C2orf42: variants seen among roughly 807,000 people sequenced by gnomAD.
The protein encoded by C2orf42 is uncharacterized protein C2orf42.
In C2orf42, 44 loss-of-function variants were observed where a neutral mutation model predicts 58.9. The observed-to-expected ratio is 0.75, with a 90% CI of 0.59 to 0.96. C2orf42 has a LOEUF of 0.96. C2orf42 is among the 40% of genes least tolerant of loss of function. The pLI, the probability that C2orf42 is intolerant of heterozygous loss-of-function variation, is 0.00. For missense variants in C2orf42, 630 were observed against 699.2 expected (o/e 0.90, Z 1.12); for synonymous variants, 239 against 265.4 (o/e 0.90, Z 0.97).
intron 5 of C2orf42, among the ~76,000 whole-genome samples, chr2:70,174,671 C>G (rs1056017054): frequency 4.6e-5 from 7 of 151,776 alleles, no homozygotes; most frequent in African/African-American, 1.7e-4. Context: ...TCCCAACCCC[C>G]TCTTTCTTTT....
At chr2:70,183,388 C>T (rs1437194057) in intron 1 of C2orf42, among the ~76,000 whole-genome samples, 2 of 151,720 alleles carry the variant, frequency 1.3e-5, no homozygotes, top group African/African-American at 4.8e-5. Context: ...CAAATTGTGC[C>T]ATTATACCCC....
intron 8 of C2orf42, among the ~76,000 whole-genome samples, chr2:70,163,601 G>A (rs1011931594): frequency 1.2e-4 from 19 of 152,098 alleles, no homozygotes; most frequent in African/African-American, 4.3e-4. Flanking sequence ...TGTAATCCAT[G>A]CACTTTGGGA....
At chr2:70,175,437 C>A (rs1313496917) in intron 5 of C2orf42, among the ~76,000 whole-genome samples, 1 of 152,172 alleles carries the variant, frequency 6.6e-6, no homozygotes, top group East Asian at 1.9e-4. Context: ...TAAGTAAGAA[C>A]ATACTGTATT....
At chr2:70,184,660 T>C (rs539064246) in intron 1 of C2orf42, among the ~76,000 whole-genome samples, 69 of 151,764 alleles carry the variant, frequency 4.5e-4, no homozygotes, top group African/African-American at 1.6e-3. Flanking sequence ...ATAAATTTTT[T>C]ATAGAGATGG....
At chr2:70,155,716 C>T (rs888777379) in intron 9 of C2orf42, among the ~76,000 whole-genome samples, 2 of 151,256 alleles carry the variant, frequency 1.3e-5, no homozygotes, top group Admixed American at 6.6e-5. Flanking sequence ...AGGAGAATGG[C>T]GTGAACCTGG....
intron 6 of C2orf42, among the ~76,000 whole-genome samples, chr2:70,166,731 C>T (rs1195775342): frequency 6.6e-6 from 1 of 151,960 alleles, no homozygotes; most frequent in Admixed American, 6.6e-5. Flanking sequence ...CCTTGTCATC[C>T]ACCAAGTATA....
intron 3 of C2orf42, among the ~76,000 whole-genome samples, chr2:70,180,476 C>G (rs1674480396): frequency 6.6e-6 from 1 of 151,514 alleles, no homozygotes; most frequent in Non-Finnish European, 1.5e-5. Flanking sequence ...GGCATGGTGG[C>G]AGGCGCCTGT....
chr2:70,188,581 C>G (rs573108944), intron 1 of C2orf42, among the ~76,000 whole-genome samples: 3 of 152,302 alleles, frequency 2.0e-5, no homozygotes, highest in South Asian at 4.1e-4. Context: ...AAACACCACT[C>G]ACCCAGTTTC....
At chr2:70,174,201 G>C (rs1010061232) in intron 5 of C2orf42, among the ~76,000 whole-genome samples, 7 of 152,030 alleles carry the variant, frequency 4.6e-5, no homozygotes, top group African/African-American at 1.7e-4. Context: ...CCAGCTACTT[G>C]GGAGGCTAAA....
intron 5 of C2orf42, among the ~76,000 whole-genome samples, chr2:70,170,991 T>C (rs1487447198): frequency 6.7e-6 from 1 of 150,134 alleles, no homozygotes; most frequent in East Asian, 2.0e-4. Context: ...GGCAGGCACC[T>C]GTAGTCCCAG....
At chr2:70,177,181 A>G (rs1284461145) in intron 4 of C2orf42, among the ~76,000 whole-genome samples, 2 of 152,026 alleles carry the variant, frequency 1.3e-5, no homozygotes, top group Non-Finnish European at 2.9e-5. Flanking sequence ...CCGAGGCAGG[A>G]GAATCACTTG....
chr2:70,179,401 CTCTT>C (rs1674401609), intron 4 of C2orf42, 127 bp downstream of exon 4: 1 of 335,876 alleles, frequency 3.0e-6, no homozygotes, highest in Non-Finnish European at 5.4e-6. Flanking sequence ...AGACCCCTGT[CTCTT>C]TATTTTAATA....
intron 8 of C2orf42, among the ~76,000 whole-genome samples, chr2:70,164,786 A>G (rs999027924): frequency 2.0e-5 from 3 of 152,196 alleles, no homozygotes; most frequent in African/African-American, 7.2e-5. Flanking sequence ...CTGCCAGTCA[A>G]ATCTAGGACT....
chr2:70,170,803 A>C lies in C2orf42; in HGVS notation c.1040-1142T>G, dbSNP rs541487400. Among the ~76,000 whole-genome samples, 60 of 151,828 alleles carry C rather than the reference A, an allele frequency of 4.0e-4. No individual in the cohort carries two copies. In the East Asian group the frequency reaches 5.9e-3, roughly 15 times the overall value. On this transcript the variant is annotated intron_variant, in intron 5 of 9. Transcript: ENST00000264434. ...TGAGAAGCAACACTAAACTGCATATAAAAGAATGGTCCTATATAATGACTG... is the reference window on the plus strand; with the variant it reads ...TGAGAAGCAACACTAAACTGCATATCAAAGAATGGTCCTATATAATGACTG...
At chr2:70,158,891 C>T (rs1054175584) in intron 9 of C2orf42, among the ~76,000 whole-genome samples, 6 of 146,224 alleles carry the variant, frequency 4.1e-5, no homozygotes, top group Non-Finnish European at 8.9e-5. Flanking sequence ...CGCGCTCGGC[C>T]GAGTATTCCT....
intron 1 of C2orf42, among the ~76,000 whole-genome samples, chr2:70,183,595 A>G (rs1674722610): frequency 6.6e-6 from 1 of 151,530 alleles, no homozygotes; most frequent in African/African-American, 2.4e-5. Flanking sequence ...ATGCCCGGCT[A>G]ATTTTTTGTA....
intron 6 of C2orf42, among the ~76,000 whole-genome samples, chr2:70,167,999 G>A (rs553038546): frequency 2.6e-5 from 4 of 151,912 alleles, no homozygotes; most frequent in Non-Finnish European, 4.4e-5. Context: ...TTGGGAGGCC[G>A]AGGTAGGTGG....
intron 5 of C2orf42, among the ~76,000 whole-genome samples, chr2:70,169,984 C>A (rs1168267341): frequency 6.6e-6 from 1 of 151,996 alleles, no homozygotes; most frequent in African/African-American, 2.4e-5. Flanking sequence ...GTCTCCAACT[C>A]CTGACCTCAG....
rs543023634 is a variant in C2orf42 at position 70,150,507 on chromosome 2, T to G, written c.1574A>C (p.Asp525Ala). ...PTPFIIEWIP[D>A]ILPQSKIGEL... ...GCCAATCTTAGATTGGGGAAGGATA[T>G]CTGGGATCCACTCGATGATGAAAGG... The change falls in exon 10 of 10, where the codon GAT becomes GCT. Residue 525 changes from aspartate to alanine, a missense_variant. Transcript: ENST00000264434. 6.2e-7 allele frequency: 1 copy of G among 1,614,076 alleles called. No homozygotes were observed. Among genetic ancestry groups the G allele is most frequent in the East Asian group, 2.2e-5 (1 of 44,886 alleles).
Sources: allele counts gnomAD v4.1 joint callset (sites outside exome capture counted in the v4.1 genomes callset), GRCh38; gene constraint gnomAD v4.1.1; transcripts MANE v1.5; gene names NCBI Gene and HGNC (gene_info 2026-07-23, HGNC 2026-07-21).